NINJ2: variants seen among roughly 807,000 people sequenced by gnomAD.
The protein encoded by NINJ2 is ninjurin-2.
Under a neutral mutation model 11.7 loss-of-function variants are expected in NINJ2, and 12 were observed. The observed-to-expected ratio is 1.02, with a 90% confidence interval of 0.66 to 1.66. The LOEUF (loss-of-function observed/expected upper bound fraction) is 1.66, where lower values mean the gene tolerates loss of function less well. Ranked by LOEUF, NINJ2 falls within the 40% of genes most tolerant of loss-of-function variation. The pLI, the probability that NINJ2 is intolerant of heterozygous loss-of-function variation, is 0.00. For missense variants in NINJ2, 187 were observed against 181.8 expected, an observed-to-expected ratio of 1.03 and a Z score of -0.16; for synonymous variants, 93 against 76.8, an observed-to-expected ratio of 1.21 and a Z score of -1.10.
At chr12:646,295 G>T (rs933106381) in intron 1 of NINJ2, among the ~76,000 whole-genome samples, 1 of 152,150 alleles carries the variant, frequency 6.6e-6, no homozygotes, top group Non-Finnish European at 1.5e-5. Context: ...TTACAGGAGC[G>T]TCCACCTCTT....
At chr12:646,930 G>T (rs1325131383) in intron 1 of NINJ2, among the ~76,000 whole-genome samples, 1 of 114,640 alleles carries the variant, frequency 8.7e-6, no homozygotes, top group East Asian at 2.4e-4. Flanking sequence ...CTGGCGTGGA[G>T]CCTGGTCAAC....
At chr12:610,447 G>A in intron 1 of NINJ2, 1 of 1,535,270 alleles carries the variant, frequency 6.5e-7, no homozygotes, top group East Asian at 2.4e-5. Flanking sequence ...GGAAAATGAG[G>A]TCAGCCTGGT....
intron 1 of NINJ2, among the ~76,000 whole-genome samples, chr12:569,942 T>C (rs558129133): frequency 3.3e-5 from 5 of 152,142 alleles, no homozygotes; most frequent in African/African-American, 9.6e-5. Context: ...GCGCGCGCGG[T>C]CCAGAGACGT....
At chr12:570,230 A>G (rs1309104721) in intron 1 of NINJ2, among the ~76,000 whole-genome samples, 2 of 152,258 alleles carry the variant, frequency 1.3e-5, no homozygotes, top group African/African-American at 2.4e-5. Flanking sequence ...AAGGGCCGGC[A>G]GTGAGGCCCT....
At position 565,417 on chromosome 12, in the gene NINJ2, G is replaced by T; in HGVS notation, c.263-16C>A. 6.2e-7 allele frequency: 1 copy of T among 1,612,758 alleles called. No homozygotes were observed. The highest frequency in any genetic ancestry group is 8.5e-7 in the Non-Finnish European group (1 of 1,179,486). ...TTCAGCCGTGCTGCAGGGAAGTGGA[G>T]TGGGGGGAAAGGGTCAGAGACGGGG... On this transcript the variant is annotated splice_polypyrimidine_tract_variant and intron_variant, in intron 2 of 3. Transcript: ENST00000305108.
At chr12:595,759 GA>G (rs796629534) in intron 1 of NINJ2, among the ~76,000 whole-genome samples, 72 of 145,802 alleles carry the variant, frequency 4.9e-4, no homozygotes, top group Middle Eastern at 3.6e-3. Flanking sequence ...GTCTTAGGGG[GA>G]AAAAAAAAAC....
intron 1 of NINJ2, among the ~76,000 whole-genome samples, chr12:647,411 G>C (rs955688106): frequency 1.4e-5 from 2 of 139,368 alleles, no homozygotes; most frequent in African/African-American, 2.7e-5. Flanking sequence ...GCACATAGTA[G>C]CACTGACAGT....
chr12:587,170 G>C (rs141497085), intron 1 of NINJ2, among the ~76,000 whole-genome samples: 23 of 152,322 alleles, frequency 1.5e-4, no homozygotes, highest in African/African-American at 4.8e-4. Flanking sequence ...TATTGGACTA[G>C]AGTCCTGATC....
intron 1 of NINJ2, among the ~76,000 whole-genome samples, chr12:570,814 G>C (rs10849245): frequency 0.35 from 53,325 of 152,124 alleles, 10,163 homozygotes; most frequent in East Asian, 0.54. Context: ...GCAGGGGACC[G>C]GTGGGCTAGG....
chr12:572,039 C>G (rs1387427386), intron 1 of NINJ2, among the ~76,000 whole-genome samples: 1 of 152,214 alleles, frequency 6.6e-6, no homozygotes, highest in Non-Finnish European at 1.5e-5. Flanking sequence ...GCACCTTGAC[C>G]ACATTCCAGC....
chr12:652,251 A>G (rs977776313), intron 1 of NINJ2, among the ~76,000 whole-genome samples: 1 of 152,256 alleles, frequency 6.6e-6, no homozygotes, highest in Non-Finnish European at 1.5e-5. Flanking sequence ...CATGCGGAGA[A>G]GAAAGTGGAG....
chr12:653,392 C>T (rs950161083), intron 1 of NINJ2, among the ~76,000 whole-genome samples: 1 of 151,878 alleles, frequency 6.6e-6, no homozygotes, highest in Non-Finnish European at 1.5e-5. Context: ...ATTATGTATA[C>T]TTATGTATAT....
At chr12:564,794 C>T (rs549493489) in intron 3 of NINJ2, 113 bp from the exon 4 acceptor site, 1 of 154,136 alleles carries the variant, frequency 6.5e-6, no homozygotes, top group South Asian at 2.0e-4. Context: ...GTGCCTGTAG[C>T]ACGTGCTCGA....
At chr12:609,787 A>T (rs1295078461) in intron 1 of NINJ2, among the ~76,000 whole-genome samples, 4 of 128,242 alleles carry the variant, frequency 3.1e-5, no homozygotes, top group Admixed American at 8.4e-5. Flanking sequence ...AAAAAAAAAA[A>T]TAGGGAAAAC....
chr12:610,123 C>G (rs1337342083), intron 1 of NINJ2, among the ~76,000 whole-genome samples: 2 of 152,160 alleles, frequency 1.3e-5, no homozygotes, highest in Non-Finnish European at 2.9e-5. Flanking sequence ...CTACAAAGTC[C>G]ATTTTGAGCT....
At chr12:598,803 G>A (rs184504173) in intron 1 of NINJ2, among the ~76,000 whole-genome samples, 5 of 151,926 alleles carry the variant, frequency 3.3e-5, no homozygotes, top group East Asian at 3.9e-4. Context: ...GGGCTCTAGC[G>A]ATCCTCCCAC....
At chr12:635,812 C>T (rs1380762004) in intron 1 of NINJ2, among the ~76,000 whole-genome samples, 3 of 152,236 alleles carry the variant, frequency 2.0e-5, no homozygotes, top group South Asian at 2.1e-4. Flanking sequence ...CGGCGGTTCA[C>T]GCCTGTAATC....
At chr12:612,878 C>G (rs1948050205) in intron 1 of NINJ2, among the ~76,000 whole-genome samples, 1 of 152,114 alleles carries the variant, frequency 6.6e-6, no homozygotes. Flanking sequence ...CATAGAAGGT[C>G]CTGAGGTGAA....
In NINJ2 at chr12:628,020, C is replaced by T. The variant is rs571505801; in HGVS notation, c.33+35308G>A. Among the ~76,000 whole-genome samples, 19 of 152,348 alleles carry T rather than the reference C, an allele frequency of 1.2e-4. 1 individual carries two copies. The South Asian group carries it at 3.7e-3, about 30-fold the overall frequency. On this transcript the variant is annotated intron_variant, in intron 1 of 3. Coordinates refer to ENST00000305108, the MANE Select transcript of NINJ2 (RefSeq NM_016533.6). This position sits in a 1 kb window ranked among gnomAD's most constrained non-coding sequence, Gnocchi z 4.4. Reference sequence around the variant, plus strand: ...TGCCGCATCCTCCCCGCCCTGCCCCCGGCTCCTCTTTCACACCCTGTGCCA... The same window carrying T: ...TGCCGCATCCTCCCCGCCCTGCCCCTGGCTCCTCTTTCACACCCTGTGCCA...
Sources: gnomAD v4.1 joint callset for allele counts (sites outside exome capture counted in the v4.1 genomes callset) on GRCh38, gnomAD v4.1.1 for gene constraint, Gnocchi (gnomAD v3.1) non-coding constraint, MANE v1.5 for transcripts, NCBI Gene and HGNC (gene_info 2026-07-23, HGNC 2026-07-21) for gene names.